The following BMPR1B variants were observed in gnomAD, a reference collection of about 807,000 sequenced individuals.
BMPR1B encodes bone morphogenetic protein receptor type-1B.
In BMPR1B, 12 loss-of-function variants were observed where a neutral mutation model predicts 59.1. The observed-to-expected ratio is 0.20, with a 90% CI of 0.13 to 0.33. The LOEUF (loss-of-function observed/expected upper bound fraction) is 0.33, where lower values mean the gene tolerates loss of function less well. Among genes scored for constraint, BMPR1B ranks in the 10% least tolerant of loss-of-function variants. BMPR1B has a pLI of 1.00. For missense variants in BMPR1B, 550 were observed against 610.9 expected, an observed-to-expected ratio of 0.90 and a Z score of 1.05; for synonymous variants, 237 against 207.3, an observed-to-expected ratio of 1.14 and a Z score of -1.23.
chr4:95,049,624 T>C (rs946742156), intron 3 of BMPR1B, among the ~76,000 whole-genome samples: 1 of 151,684 alleles, frequency 6.6e-6, no homozygotes, highest in Non-Finnish European at 1.5e-5. Flanking sequence ...AAAATTCATT[T>C]CTACCTGTAA....
intron 3 of BMPR1B, among the ~76,000 whole-genome samples, chr4:95,049,312 G>C (rs1287830513): frequency 6.6e-6 from 1 of 151,538 alleles, no homozygotes; most frequent in African/African-American, 2.4e-5. Flanking sequence ...ACAGGGTCTT[G>C]CTATGTTGCT....
chr4:95,047,220 C>T (rs972571380), intron 3 of BMPR1B, among the ~76,000 whole-genome samples: 1 of 152,184 alleles, frequency 6.6e-6, no homozygotes, highest in Non-Finnish European at 1.5e-5. Flanking sequence ...AGCAACCAAG[C>T]TCCAAACTTT....
At chr4:94,902,237 CACACACACACACAGAG>C (rs1727850486) in intron 2 of BMPR1B, among the ~76,000 whole-genome samples, 2 of 95,894 alleles carry the variant, frequency 2.1e-5, no homozygotes, top group African/African-American at 4.4e-5. Context: ...CACACACACA[CACACACACACACAGAG>C]AGAGAGAGAG....
intron 1 of BMPR1B, among the ~76,000 whole-genome samples, chr4:94,814,600 A>G (rs1202437254): frequency 2.0e-5 from 3 of 152,182 alleles, no homozygotes; most frequent in Non-Finnish European, 4.4e-5. Flanking sequence ...TTATAATGCA[A>G]TACCCTTATT....
Position 94,867,328 on chromosome 4 carries a change from A to G in BMPR1B, c.-182-8503A>G, listed in dbSNP as rs145134169. 3.8e-3 allele frequency among the ~76,000 whole-genome samples: 580 copies of G among 152,184 alleles called. 3 individuals are homozygous for G. The highest frequency in any genetic ancestry group is 0.013 in the African/African-American group (558 of 41,536). Reference sequence around the variant, plus strand: ...AGACACCTCAAACTCAATATATCCAATTTTACACTCATTTTCAATCTCATC... The same window carrying G: ...AGACACCTCAAACTCAATATATCCAGTTTTACACTCATTTTCAATCTCATC... On this transcript the variant is annotated intron_variant, in intron 1 of 12. Coordinates refer to ENST00000515059, the MANE Select transcript of BMPR1B (RefSeq NM_001203.3).
intron 1 of BMPR1B, among the ~76,000 whole-genome samples, chr4:94,811,460 G>A (rs1195902225): frequency 6.6e-6 from 1 of 152,136 alleles, no homozygotes; most frequent in Non-Finnish European, 1.5e-5. Context: ...GACTAAGAAT[G>A]TAGTCCTGCT....
intron 1 of BMPR1B, among the ~76,000 whole-genome samples, chr4:94,805,351 A>G (rs1275705108): frequency 6.6e-6 from 1 of 152,188 alleles, no homozygotes; most frequent in Non-Finnish European, 1.5e-5. Context: ...TCTTAAACCA[A>G]ATGCTCATTT....
chr4:94,790,436 G>A (rs1299282846), intron 1 of BMPR1B, among the ~76,000 whole-genome samples: 1 of 152,134 alleles, frequency 6.6e-6, no homozygotes, highest in African/African-American at 2.4e-5. Context: ...GTGGGGTGTT[G>A]GGGTTCTGGA....
intron 2 of BMPR1B, among the ~76,000 whole-genome samples, chr4:94,934,397 G>A (rs1485070454): frequency 2.0e-5 from 3 of 149,732 alleles, no homozygotes; most frequent in African/African-American, 4.9e-5. Context: ...CCAATCTACC[G>A]CTGACTCACG....
chr4:95,065,634 T>C (rs1727741537), intron 3 of BMPR1B, among the ~76,000 whole-genome samples: 1 of 152,156 alleles, frequency 6.6e-6, no homozygotes, highest in Non-Finnish European at 1.5e-5. Flanking sequence ...TATTCTCTTA[T>C]CCATTTTTAA....
At chr4:94,957,263 ACTATAAAGTGTGAGACTGGTTT>A (rs1159009035) in intron 2 of BMPR1B, among the ~76,000 whole-genome samples, 1 of 149,524 alleles carries the variant, frequency 6.7e-6, no homozygotes, top group Non-Finnish European at 1.5e-5. Context: ...ATGAGGTGTG[ACTATAAAGTGTGAGACTGGTTT>A]CCACTTTATG....
chr4:94,814,883 G>A (rs181459557), intron 1 of BMPR1B, among the ~76,000 whole-genome samples: 389 of 152,048 alleles, frequency 2.6e-3, no homozygotes, highest in Middle Eastern at 0.014. Flanking sequence ...AAATTAATGA[G>A]GCATTTTCAT....
intron 1 of BMPR1B, among the ~76,000 whole-genome samples, chr4:94,855,045 A>T (rs1033280467): frequency 6.6e-6 from 1 of 152,150 alleles, no homozygotes; most frequent in Non-Finnish European, 1.5e-5. Flanking sequence ...ATCTAGGTGC[A>T]AAAAAATTGT....
At chr4:95,053,842 T>A (rs1726713574) in intron 3 of BMPR1B, among the ~76,000 whole-genome samples, 2 of 152,120 alleles carry the variant, frequency 1.3e-5, no homozygotes, top group African/African-American at 4.8e-5. Context: ...AAATACAGAA[T>A]GTGCTATAAA....
intron 1 of BMPR1B, among the ~76,000 whole-genome samples, chr4:94,793,954 C>G (rs1427414403): frequency 6.7e-6 from 1 of 148,854 alleles, no homozygotes; most frequent in Non-Finnish European, 1.5e-5. Context: ...AAAATTTTCT[C>G]CCATTTTGTA....
chr4:94,917,586 T>C (rs1167020732), intron 2 of BMPR1B, among the ~76,000 whole-genome samples: 9 of 152,170 alleles, frequency 5.9e-5, no homozygotes, highest in Admixed American at 5.2e-4. Flanking sequence ...TTTAGAATGG[T>C]AGTGTTTACT....
At chr4:94,835,755 A>G (rs556202484) in intron 1 of BMPR1B, among the ~76,000 whole-genome samples, 3 of 152,142 alleles carry the variant, frequency 2.0e-5, no homozygotes, top group Non-Finnish European at 4.4e-5. Context: ...TTATCTAAAT[A>G]AATTTTTTCT....
intron 2 of BMPR1B, among the ~76,000 whole-genome samples, chr4:94,877,034 G>A (rs1388030977): frequency 1.3e-5 from 2 of 152,062 alleles, no homozygotes; most frequent in South Asian, 2.1e-4. Context: ...TACTCCTTTC[G>A]GGGCTATAAA....
intron 11 of BMPR1B, among the ~76,000 whole-genome samples, chr4:95,151,809 C>T (rs902366736): frequency 6.6e-5 from 10 of 151,946 alleles, no homozygotes; most frequent in African/African-American, 2.2e-4. Flanking sequence ...GAGGGGTGCT[C>T]CCAAAAGATT....
Sources: allele counts gnomAD v4.1 joint callset (sites outside exome capture counted in the v4.1 genomes callset), GRCh38; gene constraint gnomAD v4.1.1; transcripts MANE v1.5; gene names NCBI Gene and HGNC (gene_info 2026-07-23, HGNC 2026-07-21).